NUP98: variants seen among roughly 807,000 people sequenced by gnomAD.
The protein encoded by NUP98 is nuclear pore complex protein Nup98-Nup96.
NUP98 carries 26 observed loss-of-function variants against 191.9 expected under a neutral mutation model. The ratio of observed to expected loss-of-function variants is 0.14; its 90% confidence interval spans 0.10 to 0.19. The LOEUF is 0.19. Among genes scored for constraint, NUP98 ranks in the 10% least tolerant of loss-of-function variants. The probability of loss-of-function intolerance (pLI) is 1.00; values close to 1 mark genes in which losing one functional copy is unlikely to be tolerated. For missense variants in NUP98, 1,941 were observed against 2,178.8 expected (o/e 0.89, Z 2.17); for synonymous variants, 808 against 778.4 (o/e 1.04, Z -0.63).
intron 1 of NUP98, among the ~76,000 whole-genome samples, chr11:3,782,939 T>C (rs994574884): frequency 7.9e-5 from 12 of 152,194 alleles, no homozygotes; most frequent in Non-Finnish European, 1.3e-4. Flanking sequence ...TAATAGTAAA[T>C]GTTTTTCAAA....
rs61502115 is a variant in NUP98 at position 3,738,087 on chromosome 11, C to CAAAAAAAAAAAAA, written c.1409-2776_1409-2764dup. 4.3e-5 allele frequency among the ~76,000 whole-genome samples: 3 copies of CAAAAAAAAAAAAA among 69,730 alleles called. 1 individual carries two copies. Among genetic ancestry groups the CAAAAAAAAAAAAA allele is most frequent in the Non-Finnish European group, 8.7e-5 (3 of 34,340 alleles). 45.7% of individuals were successfully genotyped at this position (69,730 alleles called of 152,430 possible). The stretch of plus-strand genomic sequence containing the variant: ...ACAAATCATTCTACCTGGGCGTTCT[C>CAAAAAAAAAAAAA]AAAAAAAAAAAAAAAAAAAACCAAA... On this transcript the variant is annotated intron_variant, in intron 12 of 32. Transcript: ENST00000324932.
chr11:3,726,010 G>A lies in NUP98; in HGVS notation c.1731-791C>T, dbSNP rs1401943999. On this transcript the variant is annotated intron_variant, in intron 14 of 32. Transcript: ENST00000324932. ...CACTGTTTTGTTGAAACAAGGTTTC[G>A]CCAGGTTGCCCAGGCTGGTCTAACT... 2.6e-5 allele frequency among the ~76,000 whole-genome samples: 4 copies of A among 152,080 alleles called. No individual in the cohort carries two copies. The South Asian group carries it at 6.2e-4, about 24-fold the overall frequency.
At chr11:3,715,611 C>T (rs758610167) in intron 18 of NUP98, among the ~76,000 whole-genome samples, 1 of 152,008 alleles carries the variant, frequency 6.6e-6, no homozygotes, top group East Asian at 1.9e-4. Flanking sequence ...TTTTGAGAGA[C>T]AGGGTCTCCC....
chr11:3,679,485 G>A, intron 31 of NUP98, 69 bp downstream of exon 31: 1 of 1,549,200 alleles, frequency 6.5e-7, no homozygotes, highest in Non-Finnish European at 8.9e-7. Flanking sequence ...CTAAGGCCTT[G>A]TGAGGTATCT....
chr11:3,712,926 A>T (rs2079063858), intron 19 of NUP98, among the ~76,000 whole-genome samples, 198 bp from the exon 20 acceptor site: 1 of 152,226 alleles, frequency 6.6e-6, no homozygotes, highest in Admixed American at 6.5e-5. Flanking sequence ...AGTTGCTCAT[A>T]CTAGTAAATT....
rs146280358 is a variant in NUP98 at position 3,744,688 on chromosome 11, A to G, written c.1268-39T>C. On this transcript the variant is annotated intron_variant, in intron 11 of 32. Transcript: ENST00000324932. ...AGGAAAGAAAAAAGCACCACAGAAG[A>G]TCCTTTCAATGTTGTGCCAGAGGTC... 9,951 of 1,577,474 alleles carry G rather than the reference A, an allele frequency of 6.3e-3. 57 individuals are homozygous for G. Among genetic ancestry groups the G allele is most frequent in the Non-Finnish European group, 6.8e-3 (7,909 of 1,164,244 alleles).
intron 29 of NUP98, among the ~76,000 whole-genome samples, chr11:3,685,259 T>C (rs2078103117): frequency 6.6e-6 from 1 of 152,172 alleles, no homozygotes; most frequent in Non-Finnish European, 1.5e-5. Context: ...ATTTCTCCAG[T>C]TCTCTTTAAG....
Position 3,766,689 on chromosome 11 carries a change from CAAAAAAAAAA to C in NUP98, c.948+1882_948+1891del, listed in dbSNP as rs544567161. ...GGGCGACAACAGTGAAACTCCGTCT[CAAAAAAAAAA>C]AAAAAAAAAAAGAGAGAAGCCTGAG... On this transcript the variant is annotated intron_variant, in intron 8 of 32. Coordinates refer to ENST00000324932, the MANE Select transcript of NUP98 (RefSeq NM_016320.5). Among the ~76,000 whole-genome samples the C allele has an allele frequency of 3.2e-4, 19 of 58,884 alleles. No individual in the cohort carries two copies. In the East Asian group the frequency reaches 0.011, roughly 35 times the overall value. 38.6% of individuals were successfully genotyped at this position (58,884 alleles called of 152,430 possible).
chr11:3,791,774 CGA>C lies in NUP98; in HGVS notation c.-29+5624_-29+5625del, dbSNP rs931001078. On this transcript the variant is annotated intron_variant, in intron 1 of 32. Coordinates refer to ENST00000324932, the MANE Select transcript of NUP98 (RefSeq NM_016320.5). Reference sequence around the variant, plus strand: ...AGGAGAATTGCTTGAACCCAGGAGGCGAGGTTACAGTGAGCCGAGATCACGAC... The same window carrying C: ...AGGAGAATTGCTTGAACCCAGGAGGCGGTTACAGTGAGCCGAGATCACGAC... Among the ~76,000 whole-genome samples the C allele has an allele frequency of 3.4e-5, 5 of 147,162 alleles. No homozygotes were observed. The Admixed American group carries it at 3.4e-4, about 10-fold the overall frequency.
chr11:3,793,027 C>G (rs898085925), intron 1 of NUP98, among the ~76,000 whole-genome samples: 3 of 152,106 alleles, frequency 2.0e-5, no homozygotes, highest in Non-Finnish European at 4.4e-5. Flanking sequence ...AGGAGAATTG[C>G]TTGAACCTGG....
chr11:3,694,162 G>A (rs1044039361), intron 26 of NUP98, among the ~76,000 whole-genome samples: 4 of 151,504 alleles, frequency 2.6e-5, no homozygotes, highest in South Asian at 2.1e-4. Flanking sequence ...ACCTGAGGTC[G>A]GGAGTTTGGG....
intron 1 of NUP98, among the ~76,000 whole-genome samples, chr11:3,789,031 A>C (rs1353409868): frequency 6.6e-6 from 1 of 152,182 alleles, no homozygotes; most frequent in Non-Finnish European, 1.5e-5. Context: ...AAGTTAAAAA[A>C]ATAAAAAATT....
Position 3,702,726 on chromosome 11 carries a change from TGGGCTG to T in NUP98, c.3243_3248del (p.Ser1082_Pro1083del), listed in dbSNP as rs1415048600. On this transcript the variant is annotated inframe_deletion, in exon 23 of 33. Coordinates refer to ENST00000324932, the MANE Select transcript of NUP98 (RefSeq NM_016320.5). The stretch of plus-strand genomic sequence containing the variant: ...CTGTTTTCAACGGAACCTCAGGGGC[TGGGCTG>T]GGCATTGTGAACACAGAAGTCAGGG... 1 of 1,614,046 alleles carries T rather than the reference TGGGCTG, an allele frequency of 6.2e-7. No homozygotes were observed. Among genetic ancestry groups the T allele is most frequent in the South Asian group, 1.1e-5 (1 of 91,074 alleles).
rs576284701 is a variant in NUP98 at position 3,721,845 on chromosome 11, C to T, written c.2147-1020G>A. Reference sequence around the variant, plus strand: ...GTGTGCTTGCTTGCTCTATTCACTCCTTGTCCTACTTGTAGTCAGATATAA... The same window carrying T: ...GTGTGCTTGCTTGCTCTATTCACTCTTTGTCCTACTTGTAGTCAGATATAA... On this transcript the variant is annotated intron_variant, in intron 16 of 32. Transcript: ENST00000324932. 8.5e-5 allele frequency among the ~76,000 whole-genome samples: 13 copies of T among 152,236 alleles called. No homozygotes were observed. The South Asian group carries it at 2.7e-3, about 32-fold the overall frequency.
At chr11:3,749,377 C>CT in intron 11 of NUP98, among the ~76,000 whole-genome samples, 1 of 152,142 alleles carries the variant, frequency 6.6e-6, no homozygotes, top group Admixed American at 6.5e-5. Flanking sequence ...GTAATCCCAG[C>CT]ACTTTGGGAG....
rs1269147131 is a variant in NUP98, at chr11:3,730,233, A to G, written c.1730+1158T>C. Among the ~76,000 whole-genome samples the G allele has an allele frequency of 5.9e-5, 9 of 152,102 alleles. No individual in the cohort carries two copies. The East Asian group carries it at 1.5e-3, about 26-fold the overall frequency. ...CTGGGTAACAGAGCGACTGTATCAA[A>G]AAAATAAATAAATAAAATGCTAGGA... On this transcript the variant is annotated intron_variant, in intron 14 of 32. Transcript: ENST00000324932.
intron 18 of NUP98, among the ~76,000 whole-genome samples, chr11:3,718,803 T>C (rs573700389): frequency 5.9e-5 from 9 of 152,216 alleles, no homozygotes; most frequent in African/African-American, 2.2e-4. Context: ...AAAAGAGTTT[T>C]TGAAATTAGC....
Position 3,705,366 on chromosome 11 carries a change from C to T in NUP98, c.2926-10G>A. ...ATGATGCTTTCATGATCTAAAAAGG[C>T]AATATCTATAGAATGAATGTGCTTC... On this transcript the variant is annotated splice_polypyrimidine_tract_variant and intron_variant, in intron 21 of 32. Transcript: ENST00000324932. The T allele has an allele frequency of 6.2e-7, 1 of 1,613,246 alleles. No individual in the cohort carries two copies. The highest frequency in any genetic ancestry group is 8.5e-7 in the Non-Finnish European group (1 of 1,179,526).
At chr11:3,767,137 A>AT (rs1185241699) in intron 8 of NUP98, among the ~76,000 whole-genome samples, 1 of 151,800 alleles carries the variant, frequency 6.6e-6, no homozygotes, top group Non-Finnish European at 1.5e-5. Context: ...TAATTTTTGT[A>AT]TTTTTGGTAG....
Sources: gnomAD v4.1 joint callset for allele counts (sites outside exome capture counted in the v4.1 genomes callset) on GRCh38, gnomAD v4.1.1 for gene constraint, MANE v1.5 for transcripts, NCBI Gene and HGNC (gene_info 2026-07-23, HGNC 2026-07-21) for gene names.